Variants in ANKRD12 observed in about 807,000 individuals in gnomAD.
ANKRD12 encodes the protein ankyrin repeat domain-containing protein 12.
A neutral mutation model predicts 183.4 loss-of-function variants in ANKRD12; 85 were observed. The observed-to-expected ratio is 0.46, with a 90% confidence interval of 0.39 to 0.56. The LOEUF is 0.56. Ranked by LOEUF, ANKRD12 falls within the 20% of genes least tolerant of loss-of-function variation. The probability of loss-of-function intolerance (pLI) is 0.00; values close to 1 mark genes in which losing one functional copy is unlikely to be tolerated. For missense variants in ANKRD12, 2,405 were observed against 2,357.1 expected (o/e 1.02, Z -0.42); for synonymous variants, 914 against 800.2 (o/e 1.14, Z -2.40).
rs138729693 is a variant in ANKRD12, at chr18:9,277,202, C to T, written c.5907+1535C>T. Among the ~76,000 whole-genome samples, 948 of 152,228 alleles carry T rather than the reference C, an allele frequency of 6.2e-3. 10 individuals carry two copies. Among genetic ancestry groups the T allele is most frequent in the African/African-American group, 0.021 (889 of 41,522 alleles). ...TGGCATGGTGGCACATGCCTGTAGC[C>T]CCAGCTACCCCAGGTGGCTAAGGTG... On this transcript the variant is annotated intron_variant, in intron 11 of 12. Transcript: ENST00000262126.
rs185708868 is a variant in ANKRD12 at position 9,204,035 on chromosome 18, G to A, written c.236-441G>A. Among the ~76,000 whole-genome samples the A allele has an allele frequency of 6.3e-3, 965 of 152,340 alleles. 7 individuals are homozygous for A. The highest frequency in any genetic ancestry group is 0.017 in the Middle Eastern group (5 of 294). On this transcript the variant is annotated intron_variant, in intron 3 of 12. Coordinates refer to ENST00000262126, the MANE Select transcript of ANKRD12 (RefSeq NM_015208.5). ...TATATAATTTGTGGAAAGGTCTGTG[G>A]TGTAGGATGATGTTGCAGTCCAAAG...
rs571701068 is a variant in ANKRD12, at chr18:9,283,259, C to A, written c.*2133C>A. The A allele has an allele frequency of 2.0e-5, 3 of 152,106 alleles. No individual in the cohort carries two copies. The highest frequency in any genetic ancestry group is 2.9e-5 in the Non-Finnish European group (2 of 67,988). 9.4% of individuals were successfully genotyped at this position (152,106 alleles called of 1,614,324 possible). ...AATAGCACTGTTGGCCCAAACAGAA[C>A]AGGCTTTTAGAAGATAAAAGCGACA... On this transcript the variant is annotated 3_prime_UTR_variant, in exon 13 of 13. Transcript: ENST00000262126.
chr18:9,277,790 G>A (rs867370149), intron 11 of ANKRD12, among the ~76,000 whole-genome samples: 6 of 132,216 alleles, frequency 4.5e-5, no homozygotes, highest in Admixed American at 7.2e-5. Context: ...ATCAAATACA[G>A]CAGAGTTGAG....
intron 3 of ANKRD12, among the ~76,000 whole-genome samples, chr18:9,201,358 G>A (rs1260714789): frequency 3.3e-5 from 5 of 152,150 alleles, no homozygotes; most frequent in African/African-American, 4.8e-5. Context: ...ATCTCTTAAT[G>A]TGAAAGTGTT....
At chr18:9,238,288 C>T (rs566242579) in intron 8 of ANKRD12, among the ~76,000 whole-genome samples, 1 of 152,288 alleles carries the variant, frequency 6.6e-6, no homozygotes, top group South Asian at 2.1e-4. Context: ...TCTTCTCATG[C>T]TGCATACTCT....
intron 8 of ANKRD12, among the ~76,000 whole-genome samples, chr18:9,234,741 G>C (rs1320652553): frequency 6.6e-6 from 1 of 152,168 alleles, no homozygotes; most frequent in Non-Finnish European, 1.5e-5. Flanking sequence ...GGGGAAAGGG[G>C]ATAGTGACCC....
At chr18:9,204,281 T>C (rs1056821497) in intron 3 of ANKRD12, among the ~76,000 whole-genome samples, 195 bp from the exon 4 acceptor site, 1 of 152,266 alleles carries the variant, frequency 6.6e-6, no homozygotes, top group Non-Finnish European at 1.5e-5. Context: ...GATATTTTTG[T>C]TGAAAAATTT....
At chr18:9,193,516 TTTTG>T (rs919749872) in intron 2 of ANKRD12, among the ~76,000 whole-genome samples, 32 of 152,240 alleles carry the variant, frequency 2.1e-4, no homozygotes, top group African/African-American at 7.0e-4. Flanking sequence ...AGTGGTTTTT[TTTTG>T]TTTGTTTGGT....
rs751870337 is a variant in ANKRD12, at chr18:9,255,964, CAGAG to C, written c.2701_2704del (p.Glu901LysfsTer21). 4 of 1,569,874 alleles carry C rather than the reference CAGAG, an allele frequency of 2.5e-6. No homozygotes were observed. Among genetic ancestry groups the C allele is most frequent in the Non-Finnish European group, 1.7e-6 (2 of 1,166,164 alleles). On this transcript the variant is annotated frameshift_variant, in exon 9 of 13. Coordinates refer to ENST00000262126, the MANE Select transcript of ANKRD12 (RefSeq NM_015208.5). LOFTEE classifies it high-confidence loss of function. ...CTGCTGCTATTAAAAAAACTGACGA[CAGAG>C]AGAAAAGTAGAGAAAAGATGGATAG...
chr18:9,196,108 AACACACACACACACACACACACACAC>A (rs36156556), intron 3 of ANKRD12, among the ~76,000 whole-genome samples: 2 of 64,110 alleles, frequency 3.1e-5, no homozygotes, highest in African/African-American at 1.1e-4. Context: ...GAAACATGCA[AACACACACACACACACACACACACAC>A]ACACACACAC....
chr18:9,241,052 T>TA (rs1390313681), intron 8 of ANKRD12, among the ~76,000 whole-genome samples: 1 of 152,188 alleles, frequency 6.6e-6, no homozygotes, highest in East Asian at 1.9e-4. Context: ...AAAAATTATT[T>TA]AAGTCAAAAT....
At chr18:9,227,635 A>G (rs1266031304) in intron 8 of ANKRD12, among the ~76,000 whole-genome samples, 1 of 152,192 alleles carries the variant, frequency 6.6e-6, no homozygotes, top group Admixed American at 6.5e-5. Context: ...GAAATCCATC[A>G]AAGATGTTGA....
intron 2 of ANKRD12, among the ~76,000 whole-genome samples, chr18:9,182,935 T>A (rs1378211324): frequency 1.3e-5 from 2 of 152,234 alleles, no homozygotes; most frequent in Non-Finnish European, 2.9e-5. Flanking sequence ...TCTGGTTTTA[T>A]ACATTGTCTT....
rs183596163 is a variant in ANKRD12 at position 9,175,114 on chromosome 18, C to T, written c.-51-7268C>T. ...GGAATACAGGCGTGCGTCACCACTC[C>T]TGCCTAATTTTTTGTATGACCAAAG... On this transcript the variant is annotated intron_variant, in intron 1 of 12. Coordinates refer to ENST00000262126, the MANE Select transcript of ANKRD12 (RefSeq NM_015208.5). 1.5e-4 allele frequency among the ~76,000 whole-genome samples: 23 copies of T among 152,190 alleles called. No homozygotes were observed. The East Asian group carries it at 1.9e-3, about 13-fold the overall frequency.
At chr18:9,269,198 A>G (rs2039466788) in intron 10 of ANKRD12, among the ~76,000 whole-genome samples, 1 of 152,214 alleles carries the variant, frequency 6.6e-6, no homozygotes, top group African/African-American at 2.4e-5. Flanking sequence ...ATACTGCCCA[A>G]GGTAATTTAT....
chr18:9,208,828 A>G, intron 5 of ANKRD12, 25 bp downstream of exon 5: 1 of 1,486,354 alleles, frequency 6.7e-7, no homozygotes, highest in Admixed American at 2.2e-5. Context: ...CATTGAGTTA[A>G]TGTGTATCCC....
intron 1 of ANKRD12, among the ~76,000 whole-genome samples, chr18:9,146,936 G>T (rs1408390494): frequency 2.0e-5 from 3 of 152,202 alleles, no homozygotes; most frequent in Non-Finnish European, 4.4e-5. Context: ...TATAGTCATG[G>T]AAGTGACAAT....
intron 10 of ANKRD12, among the ~76,000 whole-genome samples, chr18:9,266,830 TAA>T (rs1380499167): frequency 1.3e-5 from 2 of 152,046 alleles, no homozygotes; most frequent in African/African-American, 4.8e-5. Flanking sequence ...GCAAATTGGA[TAA>T]AGAGTCAAGA....
At chr18:9,263,274 G>T (rs2039088137) in intron 9 of ANKRD12, among the ~76,000 whole-genome samples, 1 of 152,176 alleles carries the variant, frequency 6.6e-6, no homozygotes, top group South Asian at 2.1e-4. Context: ...AAAGTCATTG[G>T]GATATTACAT....
Sources: gnomAD v4.1 joint callset for allele counts (sites outside exome capture counted in the v4.1 genomes callset) on GRCh38, gnomAD v4.1.1 for gene constraint, MANE v1.5 for transcripts, NCBI Gene and HGNC (gene_info 2026-07-23, HGNC 2026-07-21) for gene names.